The following GLDN variants were observed in gnomAD, a reference collection of about 807,000 sequenced individuals.
GLDN encodes the protein gliomedin.
Under a neutral mutation model 56.5 loss-of-function variants are expected in GLDN, and 47 were observed. The ratio of observed to expected loss-of-function variants is 0.83; its 90% CI spans 0.66 to 1.06. GLDN has a LOEUF of 1.06. Among genes scored for constraint, GLDN ranks in the 50% least tolerant of loss-of-function variants. GLDN has a pLI of 0.00. For missense variants in GLDN, 782 were observed against 714.3 expected (o/e 1.09, Z -1.08); for synonymous variants, 332 against 278.8 (o/e 1.19, Z -1.90).
At chr15:51,391,498 G>A (rs1262715122) in intron 4 of GLDN, among the ~76,000 whole-genome samples, 1 of 152,212 alleles carries the variant, frequency 6.6e-6, no homozygotes, top group African/African-American at 2.4e-5. Context: ...CACTGTGCAG[G>A]CTGGACTCTA....
In GLDN at chr15:51,343,713, G is replaced by A. The variant is rs1404304411; in HGVS notation, c.363+1666G>A. Among the ~76,000 whole-genome samples the A allele has an allele frequency of 2.0e-5, 3 of 152,132 alleles. No homozygotes were observed. In the South Asian group the frequency reaches 6.2e-4, roughly 31 times the overall value. ...GCAATGGGTATGTTTTGACCTTTTAGAGTCATGAGGGCCTGTCCCTGAGGC... is the reference window on the plus strand; with the variant it reads ...GCAATGGGTATGTTTTGACCTTTTAAAGTCATGAGGGCCTGTCCCTGAGGC... On this transcript the variant is annotated intron_variant, in intron 1 of 9. Coordinates refer to ENST00000335449, the MANE Select transcript of GLDN (RefSeq NM_181789.4).
At chr15:51,399,718 G>A (rs564414822) in intron 6 of GLDN, among the ~76,000 whole-genome samples, 7 of 152,328 alleles carry the variant, frequency 4.6e-5, no homozygotes, top group Non-Finnish European at 8.8e-5. Context: ...CTCCCAGGAA[G>A]ATGCTGCATA....
intron 1 of GLDN, among the ~76,000 whole-genome samples, chr15:51,354,675 G>A (rs2037140940): frequency 6.6e-6 from 1 of 152,184 alleles, no homozygotes; most frequent in Non-Finnish European, 1.5e-5. Flanking sequence ...TCCTGTACTG[G>A]AGAGTTTGGA....
intron 1 of GLDN, among the ~76,000 whole-genome samples, chr15:51,375,130 T>A (rs982652570): frequency 2.0e-5 from 3 of 152,202 alleles, no homozygotes; most frequent in African/African-American, 7.2e-5. Flanking sequence ...AAATACAATA[T>A]AAGTTTTCCT....
intron 1 of GLDN, 182 bp downstream of exon 1, chr15:51,342,229 C>A: frequency 1.4e-6 from 1 of 708,372 alleles, no homozygotes. Context: ...AGTCTGTTTT[C>A]TCATCTGTGA....
At chr15:51,392,245 C>T (rs2038038132) in intron 4 of GLDN, among the ~76,000 whole-genome samples, 2 of 152,160 alleles carry the variant, frequency 1.3e-5, no homozygotes, top group African/African-American at 4.8e-5. Context: ...GGAACTGGGC[C>T]GTACAGCAGG....
intron 1 of GLDN, among the ~76,000 whole-genome samples, chr15:51,352,659 C>T (rs2037097336): frequency 6.6e-6 from 1 of 152,152 alleles, no homozygotes; most frequent in African/African-American, 2.4e-5. Flanking sequence ...CTTGATATGG[C>T]AACAGGGCTT....
At chr15:51,383,710 G>C (rs2037820597) in intron 3 of GLDN, 75 bp from the exon 4 acceptor site, 1 of 1,166,080 alleles carries the variant, frequency 8.6e-7, no homozygotes, top group African/African-American at 1.6e-5. Flanking sequence ...ACTGGTAAAG[G>C]AAATGACAGT....
chr15:51,378,194 G>A (rs993308321), intron 2 of GLDN, among the ~76,000 whole-genome samples: 1 of 152,118 alleles, frequency 6.6e-6, no homozygotes, highest in Non-Finnish European at 1.5e-5. Flanking sequence ...AGGTGAGATG[G>A]TAAGAAAGAA....
rs1336339462 is a variant in GLDN at position 51,405,439 on chromosome 15, G to T, written c.*685G>T. The T allele has an allele frequency of 1.4e-5, 2 of 145,928 alleles. No homozygotes were observed. Among genetic ancestry groups the T allele is most frequent in the African/African-American group, 5.1e-5 (2 of 39,000 alleles). 9.0% of individuals were successfully genotyped at this position (145,928 alleles called of 1,614,324 possible). On this transcript the variant is annotated 3_prime_UTR_variant, in exon 10 of 10. Coordinates refer to ENST00000335449, the MANE Select transcript of GLDN (RefSeq NM_181789.4). ...TTTCTTTTCTTATTTTAAATAGAGAGAGAGTCTTGCTATGTTTCCCAGGCT... is the reference window on the plus strand; with the variant it reads ...TTTCTTTTCTTATTTTAAATAGAGATAGAGTCTTGCTATGTTTCCCAGGCT...
In GLDN at chr15:51,362,129, C is replaced by G. The variant is rs1057020760; in HGVS notation, c.364-15320C>G. Among the ~76,000 whole-genome samples, 4 of 151,942 alleles carry G rather than the reference C, an allele frequency of 2.6e-5. No individual in the cohort carries two copies. The South Asian group carries it at 8.3e-4, about 32-fold the overall frequency. ...AGAGGGAATAGCAAGTGCAAAGGCC[C>G]CGAGTTGAGAGAGCTCAGGGAAGGA... On this transcript the variant is annotated intron_variant, in intron 1 of 9. Coordinates refer to ENST00000335449, the MANE Select transcript of GLDN (RefSeq NM_181789.4).
chr15:51,398,265 C>G (rs941135426), intron 6 of GLDN, among the ~76,000 whole-genome samples: 3 of 152,242 alleles, frequency 2.0e-5, no homozygotes, highest in Non-Finnish European at 2.9e-5. Context: ...AGACCTGACC[C>G]AAGGTCAAGC....
intron 1 of GLDN, among the ~76,000 whole-genome samples, chr15:51,371,661 C>A (rs1251674215): frequency 6.6e-6 from 1 of 152,146 alleles, no homozygotes; most frequent in African/African-American, 2.4e-5. Flanking sequence ...TAACAGAATA[C>A]CTGAAACTGG....
chr15:51,342,075 GC>G (rs1425909862), intron 1 of GLDN, 28 bp downstream of exon 1: 3 of 1,587,744 alleles, frequency 1.9e-6, no homozygotes, highest in East Asian at 2.3e-5. Context: ...TCCCCGTGGC[GC>G]CCCGGCCAGG....
At chr15:51,371,770 C>T (rs138845180) in intron 1 of GLDN, among the ~76,000 whole-genome samples, 2,181 of 152,228 alleles carry the variant, frequency 0.014, 49 homozygotes, top group African/African-American at 0.05. Context: ...GCAACCTCTG[C>T]CTCATGGGTT....
chr15:51,353,767 C>T (rs1442795976), intron 1 of GLDN, among the ~76,000 whole-genome samples: 1 of 118,376 alleles, frequency 8.4e-6, no homozygotes, highest in East Asian at 3.7e-4. Context: ...AAAAGACACT[C>T]TTTTATTCCC....
chr15:51,369,286 T>A, intron 1 of GLDN, among the ~76,000 whole-genome samples: 1 of 152,268 alleles, frequency 6.6e-6, no homozygotes, highest in Non-Finnish European at 1.5e-5. Context: ...ATGCATATAA[T>A]AACAGCAGTT....
At chr15:51,397,889 CT>C (rs989351736) in intron 6 of GLDN, among the ~76,000 whole-genome samples, 2 of 152,222 alleles carry the variant, frequency 1.3e-5, no homozygotes, top group Non-Finnish European at 2.9e-5. Flanking sequence ...TCCCTCCCCC[CT>C]GAAACAGTAT....
At chr15:51,342,071 TGGCGCCCCGGCCAGGTGGGC>T (rs1423243538) in intron 1 of GLDN, 24 bp downstream of exon 1, 1 of 1,589,088 alleles carries the variant, frequency 6.3e-7, no homozygotes, top group East Asian at 2.3e-5. Context: ...CTGTTCCCCG[TGGCGCCCCGGCCAGGTGGGC>T]GGCTGGGGGT....
Sources: gnomAD v4.1 joint callset for allele counts (sites outside exome capture counted in the v4.1 genomes callset) on GRCh38, gnomAD v4.1.1 for gene constraint, MANE v1.5 for transcripts, NCBI Gene and HGNC (gene_info 2026-07-23, HGNC 2026-07-21) for gene names.